The following CNTNAP2 variants were observed in gnomAD, a reference collection of about 807,000 sequenced individuals.
The protein encoded by CNTNAP2 is contactin associated protein 2.
CNTNAP2 carries 98 observed loss-of-function variants against 155.2 expected under a neutral mutation model. The ratio of observed to expected loss-of-function variants is 0.63; its 90% CI spans 0.54 to 0.75. The LOEUF (loss-of-function observed/expected upper bound fraction) is 0.75, where lower values mean the gene tolerates loss of function less well. Ranked by LOEUF, CNTNAP2 falls within the 30% of genes least tolerant of loss-of-function variation. The pLI, the probability that CNTNAP2 is intolerant of heterozygous loss-of-function variation, is 0.00. For missense variants in CNTNAP2, 1,727 were observed against 1,688.1 expected (o/e 1.02, Z -0.40); for synonymous variants, 651 against 631.2 (o/e 1.03, Z -0.47).
rs560615145 is a variant in CNTNAP2, at chr7:146,147,141, T to C, written c.97+30168T>C. The stretch of plus-strand genomic sequence containing the variant: ...CCCCAGTGATTCAATTGCCAGGAAT[T>C]CTTCTTTGCTTGAATTTGATCATTC... On this transcript the variant is annotated intron_variant, in intron 1 of 23. Transcript: ENST00000361727. Among the ~76,000 whole-genome samples the C allele has an allele frequency of 9.2e-5, 14 of 152,292 alleles. No homozygotes were observed. The South Asian group carries it at 1.7e-3, about 18-fold the overall frequency.
chr7:147,587,776 T>C (rs1265323286), intron 12 of CNTNAP2, among the ~76,000 whole-genome samples: 3 of 152,184 alleles, frequency 2.0e-5, no homozygotes, highest in African/African-American at 4.8e-5. Flanking sequence ...GAGAACTCAA[T>C]ATATTTGAAG....
chr7:148,340,629 G>A (rs1160184853), intron 21 of CNTNAP2, among the ~76,000 whole-genome samples: 2 of 152,204 alleles, frequency 1.3e-5, no homozygotes, highest in African/African-American at 4.8e-5. Context: ...ATCACCATTA[G>A]CACTTCAGAC....
intron 14 of CNTNAP2, among the ~76,000 whole-genome samples, chr7:147,923,031 A>C (rs185175599): frequency 6.6e-6 from 1 of 151,276 alleles, no homozygotes; most frequent in East Asian, 2.0e-4. Context: ...AAACCAAAAC[A>C]TGGAAAATGA....
At chr7:147,597,909 C>T (rs1800856263) in intron 12 of CNTNAP2, among the ~76,000 whole-genome samples, 1 of 152,166 alleles carries the variant, frequency 6.6e-6, no homozygotes, top group African/African-American at 2.4e-5. Flanking sequence ...CCCTTTAGTT[C>T]CCAAGGGCGT....
intron 15 of CNTNAP2, among the ~76,000 whole-genome samples, chr7:148,113,905 T>A (rs77855729): frequency 0.068 from 10,322 of 152,300 alleles, 403 homozygotes; most frequent in African/African-American, 0.088. Context: ...ACCCTTCCAG[T>A]CTCAGACACT....
chr7:146,357,232 CAA>C (rs71525940), intron 1 of CNTNAP2, among the ~76,000 whole-genome samples: 1,792 of 98,456 alleles, frequency 0.018, 46 homozygotes, highest in African/African-American at 0.062. Context: ...TACAGTGCTC[CAA>C]AAAAAAAAAA....
intron 15 of CNTNAP2, among the ~76,000 whole-genome samples, chr7:148,007,815 A>G (rs554861798): frequency 1.2e-3 from 185 of 152,266 alleles, no homozygotes; most frequent in African/African-American, 4.0e-3. Context: ...TAAATATATG[A>G]CACAATAAAA....
intron 8 of CNTNAP2, among the ~76,000 whole-genome samples, chr7:147,140,944 C>T (rs945870185): frequency 2.6e-5 from 4 of 152,070 alleles, no homozygotes; most frequent in Non-Finnish European, 4.4e-5. Flanking sequence ...ACTCCGGGGC[C>T]ATCCAGATAT....
chr7:146,976,952 C>T (rs1489852503), intron 3 of CNTNAP2, among the ~76,000 whole-genome samples: 1 of 152,040 alleles, frequency 6.6e-6, no homozygotes, highest in Non-Finnish European at 1.5e-5. Flanking sequence ...TTGTAGCCCC[C>T]TCCAGGACAG....
At chr7:147,730,310 T>C (rs562050454) in intron 13 of CNTNAP2, among the ~76,000 whole-genome samples, 5 of 152,084 alleles carry the variant, frequency 3.3e-5, no homozygotes, top group Non-Finnish European at 7.4e-5. Context: ...TTTTCACAAA[T>C]TGAAGGTTTG....
At chr7:147,704,731 CT>C (rs892164314) in intron 13 of CNTNAP2, among the ~76,000 whole-genome samples, 29 of 151,582 alleles carry the variant, frequency 1.9e-4, no homozygotes, top group Non-Finnish European at 3.4e-4. Flanking sequence ...TGTTGGGAGA[CT>C]TTTTTTACTG....
chr7:146,579,396 A>C (rs1440445466), intron 1 of CNTNAP2, among the ~76,000 whole-genome samples: 1 of 152,146 alleles, frequency 6.6e-6, no homozygotes, highest in East Asian at 1.9e-4. Context: ...ATAGACACCT[A>C]TACACCACGC....
intron 9 of CNTNAP2, among the ~76,000 whole-genome samples, chr7:147,359,762 C>A (rs977576588): frequency 6.6e-6 from 1 of 152,084 alleles, no homozygotes; most frequent in Non-Finnish European, 1.5e-5. Context: ...GCCCAAATGT[C>A]ACCTTCTTGA....
chr7:146,764,349 T>C (rs1204953269), intron 1 of CNTNAP2, among the ~76,000 whole-genome samples: 2 of 152,220 alleles, frequency 1.3e-5, no homozygotes, highest in African/African-American at 4.8e-5. Flanking sequence ...GCCTAGCTCC[T>C]GGGTGGTGAT....
chr7:146,743,737 A>T (rs979523321), intron 1 of CNTNAP2, among the ~76,000 whole-genome samples: 4 of 152,180 alleles, frequency 2.6e-5, no homozygotes, highest in African/African-American at 9.6e-5. Context: ...TGACAATTTC[A>T]AACACCATAC....
At chr7:148,124,976 G>A (rs1195158517) in intron 16 of CNTNAP2, among the ~76,000 whole-genome samples, 2 of 152,146 alleles carry the variant, frequency 1.3e-5, no homozygotes, top group Non-Finnish European at 2.9e-5. Flanking sequence ...ACACAGGAAT[G>A]GGGAGTGTGA....
intron 21 of CNTNAP2, chr7:148,339,480 C>T (rs560634687): frequency 6.6e-6 from 1 of 152,342 alleles, no homozygotes; most frequent in South Asian, 2.1e-4. Flanking sequence ...GGGTTTGATC[C>T]CGAGAGCGGT....
At chr7:148,160,622 A>C (rs551326651) in intron 17 of CNTNAP2, among the ~76,000 whole-genome samples, 1 of 152,320 alleles carries the variant, frequency 6.6e-6, no homozygotes, top group African/African-American at 2.4e-5. Context: ...AGTGAAAATA[A>C]AGATGCAATA....
chr7:147,661,294 T>G (rs1180372803), intron 13 of CNTNAP2, among the ~76,000 whole-genome samples: 1 of 152,172 alleles, frequency 6.6e-6, no homozygotes, highest in African/African-American at 2.4e-5. Flanking sequence ...ATTCTTGAAT[T>G]TTAATTTTAA....
Sources: allele counts gnomAD v4.1 joint callset (sites outside exome capture counted in the v4.1 genomes callset), GRCh38; gene constraint gnomAD v4.1.1; transcripts MANE v1.5; gene names NCBI Gene and HGNC (gene_info 2026-07-23, HGNC 2026-07-21).